The following OIP5 variants were observed in gnomAD, a reference collection of about 807,000 sequenced individuals.
OIP5 encodes the protein Opa interacting protein 5.
In OIP5, 24 loss-of-function variants were observed where a neutral mutation model predicts 20.3. That is an observed-to-expected ratio of 1.18 (90% CI 0.86 to 1.66). OIP5 has a LOEUF of 1.66. Among genes scored for constraint, OIP5 ranks in the 40% most tolerant of loss-of-function variants. The pLI, the probability that OIP5 is intolerant of heterozygous loss-of-function variation, is 0.00. For missense variants in OIP5, 339 were observed against 289.5 expected (o/e 1.17, Z -1.24); for synonymous variants, 143 against 121.3 (o/e 1.18, Z -1.17).
chr15:41,322,087 A>G (rs2047834247), intron 2 of OIP5, among the ~76,000 whole-genome samples: 1 of 152,164 alleles, frequency 6.6e-6, no homozygotes, highest in African/African-American at 2.4e-5. Flanking sequence ...TCTCATTACA[A>G]TTCTTGAGCA....
At chr15:41,316,232 AC>A (rs2140460172) in intron 3 of OIP5, among the ~76,000 whole-genome samples, 1 of 152,290 alleles carries the variant, frequency 6.6e-6, no homozygotes, top group Admixed American at 6.5e-5. Context: ...AATCACTTGA[AC>A]CCAGGAGGTG....
At chr15:41,324,429 T>C (rs1314502903) in intron 2 of OIP5, among the ~76,000 whole-genome samples, 1 of 152,194 alleles carries the variant, frequency 6.6e-6, no homozygotes, top group Non-Finnish European at 1.5e-5. Flanking sequence ...CTTCTACTCA[T>C]ACCACTCAAA....
In OIP5 at chr15:41,332,274, G is replaced by A. The variant is rs1384011760; in HGVS notation, c.288C>T (p.Asp96=). The A allele has an allele frequency of 6.4e-7, 1 of 1,566,442 alleles. No homozygotes were observed. Among genetic ancestry groups the A allele is most frequent in the East Asian group, 2.2e-5 (1 of 44,466 alleles). The change falls in exon 1 of 5, where the codon GAC becomes GAT. Residue 96 remains aspartate, a synonymous_variant. Coordinates refer to ENST00000220514, the MANE Select transcript of OIP5 (RefSeq NM_007280.2). ...VLADSVHLAW[D]LSRSLGAVVF... ...CCACGGCCCCGAGGGACCGCGACAG[G>A]TCCCAGGCGAGGTGCACCGAGTCGG... is the stretch of plus-strand genomic sequence containing the variant.
chr15:41,316,789 C>CAAAAAA (rs11385589), intron 3 of OIP5, among the ~76,000 whole-genome samples: 4 of 61,750 alleles, frequency 6.5e-5, no homozygotes, highest in Non-Finnish European at 9.2e-5. Flanking sequence ...GACTCCATCT[C>CAAAAAA]AAAAAAAAAA....
Position 41,319,678 on chromosome 15 carries a change from A to G in OIP5, c.492T>C (p.Leu164=), listed in dbSNP as rs777886088. 6.2e-7 allele frequency: 1 copy of G among 1,613,458 alleles called. No homozygotes were observed. Among genetic ancestry groups the G allele is most frequent in the South Asian group, 1.1e-5 (1 of 90,962 alleles). The change falls in exon 3 of 5, where the codon CTT becomes CTC. Residue 164 remains leucine, a synonymous_variant. Transcript: ENST00000220514. ...ALAALRGHFC[L]SSDKMVCYLL... is the part of the protein sequence containing the mutation. ...CTCACCACACCATTTTGTCACTGGA[A>G]AGGCAGAAGTGACCTCTCAAGGCAG...
In OIP5 at chr15:41,309,709, G is replaced by T; in HGVS notation, c.*45C>A. ...TGACTAAGCAGCACCTGTTGTTGAA[G>T]ACAGCAATAAAGCCTGAACCTGACA... On this transcript the variant is annotated 3_prime_UTR_variant, in exon 5 of 5. Transcript: ENST00000220514. The T allele has an allele frequency of 7.9e-7, 1 of 1,269,714 alleles. No individual in the cohort carries two copies. Among genetic ancestry groups the T allele is most frequent in the Non-Finnish European group, 1.1e-6 (1 of 880,754 alleles). The allele number at this position is 1,269,714 out of a possible 1,614,324, so 78.7% of individuals were successfully genotyped here.
chr15:41,326,986 G>A (rs890937057), intron 2 of OIP5, among the ~76,000 whole-genome samples: 1 of 151,430 alleles, frequency 6.6e-6, no homozygotes, highest in Non-Finnish European at 1.5e-5. Flanking sequence ...GGTTATAACA[G>A]TCTGTGAATC....
At chr15:41,319,144 C>G (rs745693713) in intron 3 of OIP5, among the ~76,000 whole-genome samples, 1 of 150,948 alleles carries the variant, frequency 6.6e-6, no homozygotes, top group African/African-American at 2.4e-5. Context: ...AATCTCAGCT[C>G]ACTGTGCAAC....
intron 2 of OIP5, among the ~76,000 whole-genome samples, chr15:41,325,818 T>C (rs111962400): frequency 0.27 from 36,951 of 138,370 alleles, 4,919 homozygotes; most frequent in African/African-American, 0.33. Context: ...CCACTGCACT[T>C]CTGTCTGGGC....
chr15:41,313,483 C>G (rs936826347), intron 3 of OIP5, 129 bp from the exon 4 acceptor site: 44 of 588,332 alleles, frequency 7.5e-5, no homozygotes, highest in African/African-American at 7.3e-4. Flanking sequence ...TTTCAAGACT[C>G]ATGATGTTAC....
chr15:41,321,300 G>A (rs1436944520), intron 2 of OIP5, among the ~76,000 whole-genome samples: 1 of 147,780 alleles, frequency 6.8e-6, no homozygotes, highest in Non-Finnish European at 1.5e-5. Flanking sequence ...GGAGGGAGGT[G>A]GGGGGGTCAG....
chr15:41,322,057 A>G (rs1468210516), intron 2 of OIP5, among the ~76,000 whole-genome samples: 7 of 152,216 alleles, frequency 4.6e-5, no homozygotes, highest in Admixed American at 4.6e-4. Flanking sequence ...ACTGATGAAG[A>G]GTCAGATGTT....
Position 41,319,653 on chromosome 15 carries a change from C to T in OIP5, c.512+5G>A. ...ATTTGATGATCAATATCTAAGTCTA[C>T]TCACCACACCATTTTGTCACTGGAA... On this transcript the variant is annotated splice_donor_5th_base_variant and intron_variant, in intron 3 of 4. Transcript: ENST00000220514. 6.2e-7 allele frequency: 1 copy of T among 1,610,066 alleles called. No homozygotes were observed. The highest frequency in any genetic ancestry group is 8.5e-7 in the Non-Finnish European group (1 of 1,178,692).
At chr15:41,312,687 T>A (rs1256103986) in intron 4 of OIP5, among the ~76,000 whole-genome samples, 1 of 149,668 alleles carries the variant, frequency 6.7e-6, no homozygotes, top group African/African-American at 2.5e-5. Flanking sequence ...TGGAATGCAG[T>A]GGCGCAATCT....
chr15:41,325,479 T>C (rs941402288), intron 2 of OIP5, among the ~76,000 whole-genome samples: 1 of 151,508 alleles, frequency 6.6e-6, no homozygotes, highest in Non-Finnish European at 1.5e-5. Context: ...AGTGAGCACA[T>C]GCTGTTAGAA....
At chr15:41,320,424 C>T (rs553611979) in intron 2 of OIP5, among the ~76,000 whole-genome samples, 16 of 151,696 alleles carry the variant, frequency 1.1e-4, no homozygotes, top group South Asian at 8.3e-4. Context: ...ATTGCAGGCA[C>T]GCGCCGCCAC....
intron 4 of OIP5, among the ~76,000 whole-genome samples, chr15:41,311,321 G>T (rs1040027338): frequency 4.6e-5 from 7 of 152,172 alleles, no homozygotes; most frequent in African/African-American, 1.7e-4. Flanking sequence ...CTCCATGTGG[G>T]AGAATCGCTT....
At chr15:41,313,996 G>A (rs570108274) in intron 3 of OIP5, among the ~76,000 whole-genome samples, 2 of 152,170 alleles carry the variant, frequency 1.3e-5, no homozygotes, top group South Asian at 2.1e-4. Flanking sequence ...GAATAATTAC[G>A]ATGATTATAA....
intron 2 of OIP5, among the ~76,000 whole-genome samples, chr15:41,327,508 G>C (rs2047869437): frequency 6.6e-6 from 1 of 151,708 alleles, no homozygotes; most frequent in Non-Finnish European, 1.5e-5. Context: ...AAAGAAAAGA[G>C]GCTGGGCGCA....
Sources: allele counts gnomAD v4.1 joint callset (sites outside exome capture counted in the v4.1 genomes callset), GRCh38; gene constraint gnomAD v4.1.1; transcripts MANE v1.5; gene names NCBI Gene and HGNC (gene_info 2026-07-23, HGNC 2026-07-21).